Variants in IL18RAP observed in about 807,000 individuals in gnomAD.
IL18RAP encodes interleukin-18 receptor accessory protein.
Under a neutral mutation model 58.1 loss-of-function variants are expected in IL18RAP, and 37 were observed. That is an observed-to-expected ratio of 0.64 (90% CI 0.49 to 0.84). The LOEUF is 0.84. IL18RAP is among the 40% of genes least tolerant of loss of function. The pLI, the probability that IL18RAP is intolerant of heterozygous loss-of-function variation, is 0.00. For synonymous variants in IL18RAP, 268 were observed against 257.5 expected, an observed-to-expected ratio of 1.04 and a Z score of -0.39; for missense variants, 667 against 704.8, an observed-to-expected ratio of 0.95 and a Z score of 0.61.
intron 3 of IL18RAP, among the ~76,000 whole-genome samples, chr2:102,427,130 C>T (rs1367896822): frequency 1.3e-5 from 2 of 152,132 alleles, no homozygotes; most frequent in African/African-American, 4.8e-5. Context: ...ACATGTACCA[C>T]ATTTTCTTTG....
intron 3 of IL18RAP, among the ~76,000 whole-genome samples, chr2:102,426,136 A>C (rs1365868720): frequency 6.6e-6 from 1 of 152,196 alleles, no homozygotes; most frequent in African/African-American, 2.4e-5. Flanking sequence ...CATCACTAAA[A>C]GTGATGGCAT....
chr2:102,450,809 T>A (rs1166198191), intron 8 of IL18RAP, 39 bp from the exon 9 acceptor site: 1 of 1,383,772 alleles, frequency 7.2e-7, no homozygotes, highest in Admixed American at 2.1e-5. Flanking sequence ...AAAAAAAGAG[T>A]AAATGACTTA....
Position 102,423,921 on chromosome 2 carries a change from C to T in IL18RAP, c.181C>T (p.Arg61Ter), listed in dbSNP as rs867163754. The stretch of plus-strand genomic sequence containing the variant: ...GAAATCACATTTCTGCCACAGAAAT[C>T]GACTCTCACCAAAACAAGTCCCTGA... ...PQKSHFCHRN[R>*]LSPKQVPEHL... Residue 61 changes from arginine to a stop codon, truncating the protein, a stop_gained, in exon 2 of 10, where the codon CGA (arginine) becomes TGA (stop). Transcript: ENST00000687160. LOFTEE classifies it high-confidence loss of function. 1.2e-6 allele frequency: 2 copies of T among 1,613,888 alleles called. No individual in the cohort carries two copies. Among genetic ancestry groups the T allele is most frequent in the Non-Finnish European group, 1.7e-6 (2 of 1,179,912 alleles).
rs1408849883 is a variant in IL18RAP, at chr2:102,423,186, G to T, written c.-92G>T. The T allele has an allele frequency of 2.7e-6, 3 of 1,100,108 alleles. No individual in the cohort carries two copies. The highest frequency in any genetic ancestry group is 4.2e-6 in the Non-Finnish European group (3 of 717,250). 68.1% of individuals were successfully genotyped at this position (1,100,108 alleles called of 1,614,324 possible). On this transcript the variant is annotated 5_prime_UTR_variant, in exon 1 of 10. Coordinates refer to ENST00000687160, the MANE Select transcript of IL18RAP (RefSeq NM_001393487.1). ...CATTTCTTGATTTACAGAAATGAAGGGGATACTCAGGGCAGAGTTCTGAAT... is the reference window on the plus strand; with the variant it reads ...CATTTCTTGATTTACAGAAATGAAGTGGATACTCAGGGCAGAGTTCTGAAT...
intron 3 of IL18RAP, among the ~76,000 whole-genome samples, chr2:102,428,166 T>C (rs921787143): frequency 3.3e-5 from 5 of 151,838 alleles, no homozygotes; most frequent in Non-Finnish European, 7.4e-5. Flanking sequence ...TTGCTCAAGA[T>C]TGTTTTGGTT....
chr2:102,450,262 G>A (rs963343221), intron 8 of IL18RAP, among the ~76,000 whole-genome samples: 1 of 306 alleles, frequency 3.3e-3, no homozygotes, highest in African/African-American at 0.01. Flanking sequence ...GAATAGAGGG[G>A]AATGGACATT....
chr2:102,426,031 T>C (rs1336071603), intron 3 of IL18RAP, among the ~76,000 whole-genome samples: 1 of 152,216 alleles, frequency 6.6e-6, no homozygotes, highest in Non-Finnish European at 1.5e-5. Flanking sequence ...GGTCCTGGTT[T>C]TGTGAATTAC....
rs116394378 is a variant in IL18RAP, at chr2:102,449,287, A to T, written c.1211-1561A>T. On this transcript the variant is annotated intron_variant, in intron 8 of 9. Coordinates refer to ENST00000687160, the MANE Select transcript of IL18RAP (RefSeq NM_001393487.1). Reference sequence around the variant, plus strand: ...CTTTTCAAAAAAAAGGAAGAAAGAAATGCATCAGTCACATCTTTCTTTAAA... The same window carrying T: ...CTTTTCAAAAAAAAGGAAGAAAGAATTGCATCAGTCACATCTTTCTTTAAA... 5.8e-3 allele frequency among the ~76,000 whole-genome samples: 877 copies of T among 152,346 alleles called. 6 individuals are homozygous for T. The highest frequency in any genetic ancestry group is 0.019 in the African/African-American group (792 of 41,580).
At chr2:102,433,331 TC>T (rs1255182449) in intron 3 of IL18RAP, among the ~76,000 whole-genome samples, 3 of 152,178 alleles carry the variant, frequency 2.0e-5, no homozygotes, top group Non-Finnish European at 4.4e-5. Flanking sequence ...CAAGTGATCC[TC>T]CAGCCTTAGC....
At chr2:102,443,649 G>A (rs964321539) in intron 6 of IL18RAP, among the ~76,000 whole-genome samples, 2 of 152,126 alleles carry the variant, frequency 1.3e-5, no homozygotes, top group Admixed American at 6.5e-5. Flanking sequence ...GCTTTTCACC[G>A]GTGCCACCCG....
chr2:102,436,223 G>A (rs188234984), intron 3 of IL18RAP, among the ~76,000 whole-genome samples: 9 of 151,998 alleles, frequency 5.9e-5, no homozygotes, highest in African/African-American at 1.2e-4. Flanking sequence ...TCTTAGTTAC[G>A]GCTCTGTGTC....
upstream of IL18RAP, among the ~76,000 whole-genome samples, chr2:102,419,293 C>T (rs953418068): frequency 1.3e-5 from 2 of 152,182 alleles, no homozygotes; most frequent in Non-Finnish European, 2.9e-5. Flanking sequence ...TCTGTTATCC[C>T]TAGACAATGG....
At chr2:102,428,170 T>G (rs1415489361) in intron 3 of IL18RAP, among the ~76,000 whole-genome samples, 3 of 151,796 alleles carry the variant, frequency 2.0e-5, no homozygotes, top group Non-Finnish European at 4.4e-5. Flanking sequence ...TCAAGATTGT[T>G]TTGGTTATTT....
At chr2:102,445,094 A>T in intron 6 of IL18RAP, 95 bp from the exon 7 acceptor site, 1 of 1,113,214 alleles carries the variant, frequency 9.0e-7, no homozygotes, top group Non-Finnish European at 1.3e-6. Flanking sequence ...GTTCTCTAAA[A>T]GCCAAACTGT....
chr2:102,429,775 G>A (rs961411303), intron 3 of IL18RAP, among the ~76,000 whole-genome samples: 3 of 151,766 alleles, frequency 2.0e-5, no homozygotes, highest in Non-Finnish European at 4.4e-5. Flanking sequence ...GTTTTAACTT[G>A]TTTGTCTCAA....
chr2:102,441,613 C>T (rs1050299381), intron 5 of IL18RAP, among the ~76,000 whole-genome samples: 7 of 152,190 alleles, frequency 4.6e-5, no homozygotes, highest in African/African-American at 1.7e-4. Context: ...GCAGGCCGGG[C>T]ATGGTGGCTT....
upstream of IL18RAP, chr2:102,419,493 T>C (rs1422920396): frequency 1.3e-5 from 2 of 152,384 alleles, no homozygotes; most frequent in Non-Finnish European, 2.9e-5. Context: ...CTCCAGCACT[T>C]TCCTCTCTCT....
chr2:102,446,812 A>AAT (rs34356254), intron 7 of IL18RAP, among the ~76,000 whole-genome samples: 1 of 151,520 alleles, frequency 6.6e-6, no homozygotes, highest in African/African-American at 2.4e-5. Flanking sequence ...AAAAAAAAAA[A>AAT]GTATAATGAA....
chr2:102,448,618 T>G (rs1683573614), intron 8 of IL18RAP, among the ~76,000 whole-genome samples: 4 of 152,052 alleles, frequency 2.6e-5, no homozygotes, highest in Admixed American at 2.6e-4. Flanking sequence ...AAACTAGGAA[T>G]TCAGTGAGGA....
Sources: gnomAD v4.1 joint callset for allele counts (sites outside exome capture counted in the v4.1 genomes callset) on GRCh38, gnomAD v4.1.1 for gene constraint, MANE v1.5 for transcripts, NCBI Gene and HGNC (gene_info 2026-07-23, HGNC 2026-07-21) for gene names.